Variants in WNT3A observed in about 807,000 individuals in gnomAD.
WNT3A encodes Wnt family member 3A.
A neutral mutation model predicts 37.0 loss-of-function variants in WNT3A; 17 were observed. The observed-to-expected ratio is 0.46, with a 90% CI of 0.31 to 0.69. WNT3A has a LOEUF of 0.69. WNT3A is among the 30% of genes least tolerant of loss of function. The pLI is 0.05. For missense variants in WNT3A, 411 were observed against 510.2 expected (o/e 0.81, Z 1.87); for synonymous variants, 187 against 211.0 (o/e 0.89, Z 0.99).
chr1:228,060,546 C>T lies in WNT3A; in HGVS notation c.*1081C>T, dbSNP rs1034061983. ...CTTCGCAGAGGCAAGCGACCGAGGC[C>T]CTCCCAAAGAGGCCCGCCCTGCCCG... On this transcript the variant is annotated 3_prime_UTR_variant, in exon 4 of 4. Transcript: ENST00000284523. 1.1e-5 allele frequency: 3 copies of T among 270,208 alleles called. No individual in the cohort carries two copies. The highest frequency in any genetic ancestry group is 2.2e-5 in the Non-Finnish European group (3 of 134,122). 16.7% of individuals were successfully genotyped at this position (270,208 alleles called of 1,614,324 possible).
At chr1:228,009,036 C>A (rs1393936526) in intron 1 of WNT3A, among the ~76,000 whole-genome samples, 1 of 152,166 alleles carries the variant, frequency 6.6e-6, no homozygotes, top group African/African-American at 2.4e-5. Flanking sequence ...CAGGACAGCC[C>A]TTTGGCCACA....
At chr1:228,018,049 G>C (rs118139242) in intron 1 of WNT3A, among the ~76,000 whole-genome samples, 13 of 152,322 alleles carry the variant, frequency 8.5e-5, no homozygotes, top group Admixed American at 7.8e-4. Context: ...TCCTTTTCAC[G>C]TTCCAAGGTG....
rs1046217640 is a variant in WNT3A, at chr1:228,059,677, G to A, written c.*212G>A. 2 of 1,354,086 alleles carry A rather than the reference G, an allele frequency of 1.5e-6. No homozygotes were observed. Among genetic ancestry groups the A allele is most frequent in the Admixed American group, 3.7e-5 (1 of 27,092 alleles). The allele number at this position is 1,354,086 out of a possible 1,614,324, so 83.9% of individuals were successfully genotyped here. On this transcript the variant is annotated 3_prime_UTR_variant, in exon 4 of 4. Transcript: ENST00000284523. ...GTGTCTCCTCTCTGGTGGCTGGGCTGCTCCTGAATGAGGCGGAGCTCCAGG... is the reference window on the plus strand; with the variant it reads ...GTGTCTCCTCTCTGGTGGCTGGGCTACTCCTGAATGAGGCGGAGCTCCAGG...
rs1479785240 is a variant in WNT3A at position 228,059,375 on chromosome 1, C to T, written c.969C>T (p.Arg323=). The T allele has an allele frequency of 1.3e-6, 2 of 1,562,390 alleles. No individual in the cohort carries two copies. The highest frequency in any genetic ancestry group is 2.4e-5 in the East Asian group (1 of 42,388). ...GCCACAACGCGCGAGCGGAGCGGCG[C>T]CGGGAGAAGTGCCGCTGCGTGTTCC... ...GRGHNARAER[R]REKCRCVFHW... is the part of the protein sequence containing the mutation. Residue 323 remains arginine (R), a synonymous_variant, in exon 4 of 4, where the codon CGC becomes CGT. Coordinates refer to ENST00000284523, the MANE Select transcript of WNT3A (RefSeq NM_033131.4).
intron 3 of WNT3A, among the ~76,000 whole-genome samples, chr1:228,052,462 C>A (rs2031575984): frequency 6.6e-6 from 1 of 152,070 alleles, no homozygotes; most frequent in South Asian, 2.1e-4. Flanking sequence ...AGATTTTAAC[C>A]CATGAATTTT....
In WNT3A at chr1:228,058,917, T is replaced by C. The variant is rs2031736252; in HGVS notation, c.580-69T>C. On this transcript the variant is annotated intron_variant, in intron 3 of 3. Coordinates refer to ENST00000284523, the MANE Select transcript of WNT3A (RefSeq NM_033131.4). ...GAGCAGGTAGGCTGCAGGCGACATG[T>C]AATGCTGTTTCCTCGGGGAGACGCA... The C allele has an allele frequency of 2.8e-6, 4 of 1,449,150 alleles. No individual in the cohort carries two copies. The African/African-American group carries it at 5.6e-5, about 20-fold the overall frequency. 89.8% of individuals were successfully genotyped at this position (1,449,150 alleles called of 1,614,324 possible).
chr1:228,031,624 T>C lies in WNT3A; in HGVS notation c.313+8716T>C, dbSNP rs918020797. Among the ~76,000 whole-genome samples the C allele has an allele frequency of 3.3e-5, 5 of 151,794 alleles. No homozygotes were observed. Among genetic ancestry groups the C allele is most frequent in the Admixed American group, 6.6e-5 (1 of 15,240 alleles). ...TGTGTGTGCATGTGTATGTGTCAGG[T>C]GTAGTGAATGTGTATGTGGTTTGGT... On this transcript the variant is annotated intron_variant, in intron 2 of 3. Transcript: ENST00000284523. This position sits in a 1 kb window ranked among gnomAD's most constrained non-coding sequence, Gnocchi z 4.8.
chr1:228,011,192 C>T lies in WNT3A; in HGVS notation c.71+3993C>T, dbSNP rs575682696. ...AGCTCGGCTGGAATGATGGGTCAGG[C>T]ATACGTGTGTGGTGTGTGGGCAGGT... is the stretch of plus-strand genomic sequence containing the variant. On this transcript the variant is annotated intron_variant, in intron 1 of 3. Transcript: ENST00000284523. 2.6e-5 allele frequency among the ~76,000 whole-genome samples: 4 copies of T among 152,216 alleles called. No individual in the cohort carries two copies. In the South Asian group the frequency reaches 8.3e-4, roughly 32 times the overall value.
chr1:228,016,171 C>G (rs2030526487), intron 1 of WNT3A, among the ~76,000 whole-genome samples: 1 of 152,118 alleles, frequency 6.6e-6, no homozygotes, highest in African/African-American at 2.4e-5. Context: ...GGCTGACTCC[C>G]CAGGGACTCA....
Position 228,022,872 on chromosome 1 carries a change from G to A in WNT3A, c.277G>A (p.Asp93Asn), listed in dbSNP as rs201274685. Residue 93 changes from aspartate (D) to asparagine (N), a missense_variant, in exon 2 of 4, where the codon GAC becomes AAC. Physicochemically the swap from Asp to Asn is conservative, Grantham distance 23. Transcript: ENST00000284523. ...GRRWNCTTVHDSLAIFGPVLD... is the reference protein window; with the variant it reads ...GRRWNCTTVHNSLAIFGPVLD... Reference sequence around the variant, plus strand: ...CCGGTGGAACTGCACCACCGTCCACGACAGCCTGGCCATCTTCGGGCCCGT... The same window carrying A: ...CCGGTGGAACTGCACCACCGTCCACAACAGCCTGGCCATCTTCGGGCCCGT... 3.4e-4 allele frequency: 545 copies of A among 1,612,700 alleles called. 5 individuals carry two copies. Among genetic ancestry groups the A allele is most frequent in the Middle Eastern group, 1.6e-4 (1 of 6,072 alleles).
At chr1:228,036,921 G>C (rs2031157833) in intron 2 of WNT3A, among the ~76,000 whole-genome samples, 1 of 152,196 alleles carries the variant, frequency 6.6e-6, no homozygotes. Context: ...CCTTAGAGAA[G>C]GGGACAGAGG....
intron 2 of WNT3A, among the ~76,000 whole-genome samples, chr1:228,043,120 A>G (rs1032397828): frequency 3.3e-5 from 5 of 152,210 alleles, no homozygotes; most frequent in African/African-American, 1.2e-4. Flanking sequence ...AAAGATAGAT[A>G]ATTGATACTT....
chr1:228,033,942 T>C (rs1285958257), intron 2 of WNT3A, among the ~76,000 whole-genome samples: 1 of 152,246 alleles, frequency 6.6e-6, no homozygotes, highest in Non-Finnish European at 1.5e-5. Context: ...AATCTCATTT[T>C]TTAATTATTT....
chr1:228,059,650 T>C lies in WNT3A; in HGVS notation c.*185T>C, dbSNP rs752107. 926,709 of 1,366,316 alleles carry C rather than the reference T, an allele frequency of 0.68. 315,672 individuals carry two copies. Among genetic ancestry groups the C allele is most frequent in the African/African-American group, 0.8 (52,083 of 65,332 alleles). The allele number at this position is 1,366,316 out of a possible 1,614,324, so 84.6% of individuals were successfully genotyped here. ...TGAAGGCAGGGCTCCTCCCTGGAGCTAGTGTCTCCTCTCTGGTGGCTGGGC... is the reference window on the plus strand; with the variant it reads ...TGAAGGCAGGGCTCCTCCCTGGAGCCAGTGTCTCCTCTCTGGTGGCTGGGC... On this transcript the variant is annotated 3_prime_UTR_variant, in exon 4 of 4. Transcript: ENST00000284523.
intron 1 of WNT3A, among the ~76,000 whole-genome samples, chr1:228,020,687 G>T (rs2030678512): frequency 6.6e-6 from 1 of 152,224 alleles, no homozygotes; most frequent in African/African-American, 2.4e-5. Context: ...CCTGGGGCAG[G>T]ATACCTGCGT....
rs887951858 is a variant in WNT3A, at chr1:228,060,736, T to G, written c.*1271T>G. 1.9e-5 allele frequency: 3 copies of G among 156,898 alleles called. No homozygotes were observed. Among genetic ancestry groups the G allele is most frequent in the African/African-American group, 7.2e-5 (3 of 41,522 alleles). The allele number at this position is 156,898 out of a possible 1,614,324, so 9.7% of individuals were successfully genotyped here. A position where few individuals can be genotyped will look rare whatever the true frequency, so the allele number is the denominator to read the frequency against. On this transcript the variant is annotated 3_prime_UTR_variant, in exon 4 of 4. Coordinates refer to ENST00000284523, the MANE Select transcript of WNT3A (RefSeq NM_033131.4). Reference sequence around the variant, plus strand: ...GCACTCCATCCAGCTACAGGAGAGATAGAAGCCTCTCGTCCCGTCCCTCCC... The same window carrying G: ...GCACTCCATCCAGCTACAGGAGAGAGAGAAGCCTCTCGTCCCGTCCCTCCC...
At position 228,031,107 on chromosome 1, in the gene WNT3A, G is replaced by A. The variant is rs541763295; in HGVS notation, c.313+8199G>A. Among the ~76,000 whole-genome samples the A allele has an allele frequency of 1.4e-4, 21 of 152,300 alleles. No homozygotes were observed. In the South Asian group the frequency reaches 2.5e-3, roughly 18 times the overall value. On this transcript the variant is annotated intron_variant, in intron 2 of 3. Coordinates refer to ENST00000284523, the MANE Select transcript of WNT3A (RefSeq NM_033131.4). This position sits in a 1 kb window ranked among gnomAD's most constrained non-coding sequence, Gnocchi z 4.8. The stretch of plus-strand genomic sequence containing the variant: ...GGCCACGCCCCAGCCCTCATCACGG[G>A]CCTGTGTTCTTCAGGCGTGGGGAAG...
rs2030211656 is a variant in WNT3A, at chr1:228,007,005, C to T, written c.-124C>T. On this transcript the variant is annotated 5_prime_UTR_variant, in exon 1 of 4. Coordinates refer to ENST00000284523, the MANE Select transcript of WNT3A (RefSeq NM_033131.4). This position sits in a 1 kb window ranked among gnomAD's most constrained non-coding sequence, Gnocchi z 6.0. Reference sequence around the variant, plus strand: ...GCGCCGCCCTCGGAGCCCGCGCACACCCGCGCACCCGCGGCCGCAGGAGGG... The same window carrying T: ...GCGCCGCCCTCGGAGCCCGCGCACATCCGCGCACCCGCGGCCGCAGGAGGG... 1 of 412,086 alleles carries T rather than the reference C, an allele frequency of 2.4e-6. No individual in the cohort carries two copies. Among genetic ancestry groups the T allele is most frequent in the Non-Finnish European group, 3.4e-6 (1 of 297,468 alleles). The allele number at this position is 412,086 out of a possible 1,614,324, so 25.5% of individuals were successfully genotyped here.
In WNT3A at chr1:228,031,136, C is replaced by A. The variant is rs1166075433; in HGVS notation, c.313+8228C>A. Among the ~76,000 whole-genome samples the A allele has an allele frequency of 1.3e-5, 2 of 152,202 alleles. No homozygotes were observed. Among genetic ancestry groups the A allele is most frequent in the Non-Finnish European group, 2.9e-5 (2 of 68,022 alleles). On this transcript the variant is annotated intron_variant, in intron 2 of 3. Transcript: ENST00000284523. The surrounding 1 kb of genome is among the most constrained non-coding windows in gnomAD (Gnocchi z 4.8). ...GTGTTCTTCAGGCGTGGGGAAGGCACCGTGGGGCAGAGAGTGGGGACCCGA... is the reference window on the plus strand; with the variant it reads ...GTGTTCTTCAGGCGTGGGGAAGGCAACGTGGGGCAGAGAGTGGGGACCCGA...
Sources: allele counts gnomAD v4.1 joint callset (sites outside exome capture counted in the v4.1 genomes callset), GRCh38; gene constraint gnomAD v4.1.1; non-coding constraint Gnocchi (gnomAD v3.1); transcripts MANE v1.5; gene names NCBI Gene and HGNC (gene_info 2026-07-23, HGNC 2026-07-21).